The following RAB38 variants were observed in gnomAD, a reference collection of about 807,000 sequenced individuals.
RAB38 encodes RAB38, member RAS oncogene family.
RAB38 carries 15 observed loss-of-function variants against 18.4 expected under a neutral mutation model. The observed-to-expected ratio is 0.82, with a 90% CI of 0.55 to 1.26. The LOEUF (loss-of-function observed/expected upper bound fraction) is 1.26. RAB38 is among the 50% of genes most tolerant of loss of function. The pLI, the probability that RAB38 is intolerant of heterozygous loss-of-function variation, is 0.00. For missense variants in RAB38, 294 were observed against 267.4 expected (o/e 1.10, Z -0.69); for synonymous variants, 101 against 104.4 (o/e 0.97, Z 0.20).
the RAB38 span, among the ~76,000 whole-genome samples, chr11:88,044,728 C>T: frequency 3.9e-5 from 6 of 152,184 alleles, no homozygotes; most frequent in African/African-American, 1.4e-4. Context: ...CTCCTTCTTT[C>T]CCTCCCACCT....
chr11:88,038,394 T>G, the RAB38 span, among the ~76,000 whole-genome samples: 3 of 152,200 alleles, frequency 2.0e-5, no homozygotes, highest in African/African-American at 7.2e-5. Flanking sequence ...GGGAGGTAGA[T>G]GGTATATTTT....
chr11:87,974,893 A>G, the RAB38 span, among the ~76,000 whole-genome samples: 2 of 151,982 alleles, frequency 1.3e-5, no homozygotes, highest in Admixed American at 6.6e-5. Flanking sequence ...TCCTAGGCCT[A>G]CCGTAACAAA....
At chr11:87,893,893 C>A in the RAB38 span, among the ~76,000 whole-genome samples, 68 of 151,770 alleles carry the variant, frequency 4.5e-4, no homozygotes, top group African/African-American at 1.6e-3. Context: ...TTTGGCTATC[C>A]AGTGGTCCCT....
the RAB38 span, among the ~76,000 whole-genome samples, chr11:87,819,171 C>G: frequency 1.3e-5 from 2 of 152,124 alleles, no homozygotes; most frequent in Non-Finnish European, 2.9e-5. Flanking sequence ...TGTATCTAGT[C>G]TTTTAGGACA....
intron 1 of RAB38, among the ~76,000 whole-genome samples, chr11:88,155,162 C>T (rs961978278): frequency 1.3e-5 from 2 of 152,226 alleles, no homozygotes; most frequent in Admixed American, 1.3e-4. Context: ...TTGCACCTGC[C>T]ATTAGGGCAC....
chr11:87,830,915 C>A, the RAB38 span, among the ~76,000 whole-genome samples: 387 of 152,220 alleles, frequency 2.5e-3, 1 homozygote, highest in South Asian at 8.3e-3. Flanking sequence ...CTTCCCACCT[C>A]AGCCTCCCAA....
At chr11:88,157,529 C>G (rs755619628) in intron 1 of RAB38, among the ~76,000 whole-genome samples, 1 of 152,152 alleles carries the variant, frequency 6.6e-6, no homozygotes, top group Non-Finnish European at 1.5e-5. Flanking sequence ...TACCCATCAA[C>G]CACAGAATAA....
chr11:87,819,717 CGTGT>C, the RAB38 span, among the ~76,000 whole-genome samples: 9 of 1,340 alleles, frequency 6.7e-3, no homozygotes, highest in South Asian at 0.028. Flanking sequence ...TATATATATA[CGTGT>C]ATGTATATAT....
At chr11:87,893,371 C>CATATATATATATGTATATATAT in the RAB38 span, among the ~76,000 whole-genome samples, 36 of 86,416 alleles carry the variant, frequency 4.2e-4, no homozygotes, top group African/African-American at 1.5e-3. Context: ...ATATATTTTA[C>CATATATATATATGTATATATAT]ATATATATAT....
chr11:87,907,460 A>AT, the RAB38 span, among the ~76,000 whole-genome samples: 1 of 150,552 alleles, frequency 6.6e-6, no homozygotes, highest in Non-Finnish European at 1.5e-5. Context: ...TATTACAAAA[A>AT]AAATATATTT....
chr11:88,175,167 C>G lies in RAB38; in HGVS notation c.202+16G>C. ...CGAGGCGCTCTATCCCCCTGACCCC[C>G]TCCCCCCGCGCTCACCTGCGATATC... is the stretch of plus-strand genomic sequence containing the variant. On this transcript the variant is annotated intron_variant, in intron 1 of 2. Transcript: ENST00000243662. 1 of 1,578,172 alleles carries G rather than the reference C, an allele frequency of 6.3e-7. No individual in the cohort carries two copies. Among genetic ancestry groups the G allele is most frequent in the Non-Finnish European group, 8.6e-7 (1 of 1,160,506 alleles).
At chr11:87,913,230 A>G in the RAB38 span, among the ~76,000 whole-genome samples, 1 of 152,002 alleles carries the variant, frequency 6.6e-6, no homozygotes, top group Non-Finnish European at 1.5e-5. Context: ...TGTTTTTTCA[A>G]GTCTTCTGTG....
the RAB38 span, among the ~76,000 whole-genome samples, chr11:88,087,691 A>C: frequency 6.6e-6 from 1 of 151,886 alleles, no homozygotes; most frequent in Non-Finnish European, 1.5e-5. Flanking sequence ...GGTCATTTCG[A>C]AATTTTTTCT....
chr11:88,097,509 CAGGATGCTTCA>C, the RAB38 span, among the ~76,000 whole-genome samples: 12 of 151,828 alleles, frequency 7.9e-5, no homozygotes, highest in Admixed American at 6.6e-4. Flanking sequence ...AAAACACAGC[CAGGATGCTTCA>C]AGGATGCTTT....
the RAB38 span, among the ~76,000 whole-genome samples, chr11:88,048,093 C>G: frequency 5.3e-5 from 8 of 152,092 alleles, no homozygotes; most frequent in Admixed American, 4.6e-4. Context: ...AGGGATTATT[C>G]AGGCCCCCTC....
the RAB38 span, among the ~76,000 whole-genome samples, chr11:88,076,661 A>G: frequency 6.6e-6 from 1 of 152,088 alleles, no homozygotes; most frequent in African/African-American, 2.4e-5. Context: ...TAATAGCTAT[A>G]AAGAATATAG....
At chr11:87,831,492 G>A in the RAB38 span, among the ~76,000 whole-genome samples, 2 of 152,138 alleles carry the variant, frequency 1.3e-5, no homozygotes, top group Non-Finnish European at 2.9e-5. Flanking sequence ...TGAAAAAGGT[G>A]GACTTTCAAG....
chr11:87,861,302 G>T, the RAB38 span, among the ~76,000 whole-genome samples: 1 of 151,856 alleles, frequency 6.6e-6, no homozygotes, highest in East Asian at 1.9e-4. Context: ...TTGAACAATG[G>T]GTGCCAAAAT....
the RAB38 span, among the ~76,000 whole-genome samples, chr11:87,863,356 G>A: frequency 2.6e-5 from 4 of 151,842 alleles, no homozygotes; most frequent in East Asian, 7.8e-4. Context: ...CCCAACTTAT[G>A]GCAAATGACA....
Sources: gnomAD v4.1 joint callset for allele counts (sites outside exome capture counted in the v4.1 genomes callset) on GRCh38, gnomAD v4.1.1 for gene constraint, MANE v1.5 for transcripts, NCBI Gene and HGNC (gene_info 2026-07-23, HGNC 2026-07-21) for gene names.